GLRA3: variants seen among roughly 807,000 people sequenced by gnomAD.
GLRA3 encodes glycine receptor subunit alpha-3.
Under a neutral mutation model 60.4 loss-of-function variants are expected in GLRA3, and 44 were observed. That is an observed-to-expected ratio of 0.73 (90% CI 0.57 to 0.94). GLRA3 has a LOEUF of 0.94. GLRA3 is among the 40% of genes least tolerant of loss of function. GLRA3 has a pLI of 0.00. For missense variants in GLRA3, 508 were observed against 564.6 expected, an observed-to-expected ratio of 0.90 and a Z score of 1.02; for synonymous variants, 223 against 192.9, an observed-to-expected ratio of 1.16 and a Z score of -1.29.
chr4:174,709,050 T>A (rs1735616632), intron 5 of GLRA3, among the ~76,000 whole-genome samples: 1 of 152,050 alleles, frequency 6.6e-6, no homozygotes, highest in Non-Finnish European at 1.5e-5. Context: ...ATAATTATAA[T>A]TGCATTTATG....
At chr4:174,798,740 C>G (rs188579200) in intron 1 of GLRA3, among the ~76,000 whole-genome samples, 1 of 152,018 alleles carries the variant, frequency 6.6e-6, no homozygotes, top group Non-Finnish European at 1.5e-5. Context: ...CTGGCTAACA[C>G]GGTGAAACCC....
At chr4:174,670,904 A>AT (rs902931776) in intron 7 of GLRA3, among the ~76,000 whole-genome samples, 7 of 152,044 alleles carry the variant, frequency 4.6e-5, no homozygotes, top group Middle Eastern at 3.4e-3. Flanking sequence ...AAAACAGATA[A>AT]TTTTTTTTAT....
intron 1 of GLRA3, among the ~76,000 whole-genome samples, chr4:174,817,016 T>A (rs776460241): frequency 4.6e-5 from 7 of 152,160 alleles, no homozygotes; most frequent in Non-Finnish European, 1.0e-4. Flanking sequence ...CTTTCCTACC[T>A]GTCACAGTTC....
Position 174,680,400 on chromosome 4 carries a change from T to C in GLRA3, c.712+2402A>G, listed in dbSNP as rs1311877857. Among the ~76,000 whole-genome samples the C allele has an allele frequency of 2.0e-5, 3 of 152,114 alleles. No individual in the cohort carries two copies. In the East Asian group the frequency reaches 5.8e-4, roughly 29 times the overall value. Reference sequence around the variant, plus strand: ...GAAACATGCAAAAAATAAGTAAACATAAAATTGAATGATATAATTTCAGAT... The same window carrying C: ...GAAACATGCAAAAAATAAGTAAACACAAAATTGAATGATATAATTTCAGAT... On this transcript the variant is annotated intron_variant, in intron 6 of 9. Coordinates refer to ENST00000274093, the MANE Select transcript of GLRA3 (RefSeq NM_006529.4).
intron 1 of GLRA3, among the ~76,000 whole-genome samples, chr4:174,797,299 C>T (rs1321777638): frequency 3.9e-5 from 6 of 152,090 alleles, no homozygotes; most frequent in Admixed American, 6.5e-5. Flanking sequence ...TAGCTATGAT[C>T]GGTACTTTGG....
At chr4:174,724,759 C>G (rs1400343809) in intron 4 of GLRA3, among the ~76,000 whole-genome samples, 1 of 152,084 alleles carries the variant, frequency 6.6e-6, no homozygotes, top group Non-Finnish European at 1.5e-5. Flanking sequence ...TTGATTTCCC[C>G]TTTATTCCCG....
At chr4:174,660,525 A>G (rs532515435) in intron 7 of GLRA3, among the ~76,000 whole-genome samples, 2 of 152,216 alleles carry the variant, frequency 1.3e-5, no homozygotes, top group Middle Eastern at 3.2e-3. Context: ...ATGTTGATCA[A>G]TTGATGAAGG....
intron 4 of GLRA3, among the ~76,000 whole-genome samples, chr4:174,718,206 A>C (rs867076840): frequency 3.6e-4 from 55 of 152,314 alleles, no homozygotes; most frequent in African/African-American, 1.3e-3. Context: ...ATACGTGTCA[A>C]CTTGGTGGGT....
At chr4:174,743,844 A>T (rs905763360) in intron 3 of GLRA3, among the ~76,000 whole-genome samples, 2 of 152,166 alleles carry the variant, frequency 1.3e-5, no homozygotes, top group African/African-American at 4.8e-5. Context: ...GAAAAAAAAC[A>T]CAAATAATGT....
intron 1 of GLRA3, among the ~76,000 whole-genome samples, chr4:174,828,281 C>T (rs982295445): frequency 1.3e-5 from 2 of 152,050 alleles, no homozygotes; most frequent in Non-Finnish European, 2.9e-5. Context: ...TTTAACTTAA[C>T]CTCTGAATAT....
intron 5 of GLRA3, among the ~76,000 whole-genome samples, chr4:174,693,454 G>C (rs1734937277): frequency 6.6e-6 from 1 of 152,100 alleles, no homozygotes; most frequent in South Asian, 2.1e-4. Context: ...CTTTTTCAAA[G>C]ATCAGATGGT....
intron 3 of GLRA3, among the ~76,000 whole-genome samples, chr4:174,741,713 T>C (rs2111170968): frequency 6.6e-6 from 1 of 152,322 alleles, no homozygotes; most frequent in Middle Eastern, 3.4e-3. Context: ...AATCATTTTA[T>C]AATTTTAAAT....
intron 1 of GLRA3, among the ~76,000 whole-genome samples, chr4:174,814,311 G>A (rs927374322): frequency 2.6e-5 from 4 of 152,088 alleles, no homozygotes; most frequent in East Asian, 3.9e-4. Context: ...AGCAGGATGC[G>A]GAGCTGGAAA....
chr4:174,663,559 C>T (rs890545762), intron 7 of GLRA3, among the ~76,000 whole-genome samples: 1 of 152,178 alleles, frequency 6.6e-6, no homozygotes, highest in Non-Finnish European at 1.5e-5. Context: ...CAGGGTTCTG[C>T]TAATTGTTAA....
chr4:174,716,260 A>G (rs1286263223), intron 4 of GLRA3, among the ~76,000 whole-genome samples: 3 of 152,174 alleles, frequency 2.0e-5, no homozygotes, highest in South Asian at 2.1e-4. Flanking sequence ...TAGAATATTC[A>G]TGATCTGATT....
chr4:174,738,403 C>A (rs1025579189), intron 3 of GLRA3, among the ~76,000 whole-genome samples: 2 of 152,174 alleles, frequency 1.3e-5, no homozygotes, highest in Non-Finnish European at 2.9e-5. Flanking sequence ...TGGGTTTATG[C>A]ATACATATAT....
At chr4:174,662,103 A>G (rs992270341) in intron 7 of GLRA3, among the ~76,000 whole-genome samples, 1 of 152,174 alleles carries the variant, frequency 6.6e-6, no homozygotes, top group African/African-American at 2.4e-5. Flanking sequence ...CTCTTATTGT[A>G]TACATGTGCA....
At chr4:174,666,316 C>CTA (rs1733660692) in intron 7 of GLRA3, among the ~76,000 whole-genome samples, 1 of 151,886 alleles carries the variant, frequency 6.6e-6, no homozygotes, top group South Asian at 2.1e-4. Flanking sequence ...TAGTAGACAA[C>CTA]GTATGAAAAG....
At chr4:174,648,228 A>T (rs575990221) in intron 9 of GLRA3, among the ~76,000 whole-genome samples, 2 of 152,282 alleles carry the variant, frequency 1.3e-5, no homozygotes, top group African/African-American at 4.8e-5. Flanking sequence ...TGAGAGGCCA[A>T]GGCAGGCAGA....
Sources: allele counts gnomAD v4.1 joint callset (sites outside exome capture counted in the v4.1 genomes callset), GRCh38; gene constraint gnomAD v4.1.1; transcripts MANE v1.5; gene names NCBI Gene and HGNC (gene_info 2026-07-23, HGNC 2026-07-21).